The following FHL2 variants were observed in gnomAD, a reference collection of about 807,000 sequenced individuals.
FHL2 encodes four and a half LIM domains protein 2.
Under a neutral mutation model 32.7 loss-of-function variants are expected in FHL2, and 20 were observed. The ratio of observed to expected loss-of-function variants is 0.61; its 90% CI spans 0.43 to 0.89. The LOEUF (loss-of-function observed/expected upper bound fraction) is 0.89. Ranked by LOEUF, FHL2 falls within the 40% of genes least tolerant of loss-of-function variation. The probability of loss-of-function intolerance (pLI) is 0.00; values close to 1 mark genes in which losing one functional copy is unlikely to be tolerated. For synonymous variants in FHL2, 123 were observed against 128.1 expected (o/e 0.96, Z 0.27); for missense variants, 311 against 358.6 (o/e 0.87, Z 1.07).
intron 1 of FHL2, among the ~76,000 whole-genome samples, chr2:105,425,396 A>AAGACTATCAC (rs1400542120): frequency 6.6e-6 from 1 of 152,194 alleles, no homozygotes; most frequent in Non-Finnish European, 1.5e-5. Flanking sequence ...GGTATTGTCC[A>AAGACTATCAC]AGGTTTCTCC....
chr2:105,388,652 G>C (rs554897613), intron 2 of FHL2, among the ~76,000 whole-genome samples: 1 of 145,812 alleles, frequency 6.9e-6, no homozygotes, highest in South Asian at 2.3e-4. Context: ...GTGAAACCCT[G>C]TCTCTACTAA....
intron 1 of FHL2, among the ~76,000 whole-genome samples, chr2:105,413,843 G>T (rs995191668): frequency 2.6e-5 from 4 of 152,248 alleles, no homozygotes; most frequent in South Asian, 2.1e-4. Flanking sequence ...CCAGATGGGG[G>T]TAATTTTCCC....
At chr2:105,375,517 A>T (rs375482144) in intron 3 of FHL2, 4 of 152,362 alleles carry the variant, frequency 2.6e-5, no homozygotes, top group East Asian at 3.8e-4. Context: ...GCATGCCTTT[A>T]GTCCCAGCTA....
At chr2:105,407,197 C>T (rs746215790) in intron 1 of FHL2, among the ~76,000 whole-genome samples, 1 of 152,066 alleles carries the variant, frequency 6.6e-6, no homozygotes, top group Non-Finnish European at 1.5e-5. Context: ...TAGAGACCAT[C>T]CTGGCTAACA....
At chr2:105,359,657 T>C (rs1680141475), downstream of FHL2, 1 of 152,244 alleles carries the variant, frequency 6.6e-6, no homozygotes, top group Non-Finnish European at 1.5e-5. Flanking sequence ...TCTGAGATTA[T>C]TCCACAGACT....
chr2:105,399,085 C>T, upstream of FHL2: 3 of 1,487,214 alleles, frequency 2.0e-6, no homozygotes, highest in South Asian at 3.9e-5. Context: ...TCGAGAAACC[C>T]CGCCGTGTCA....
chr2:105,366,106 G>A (rs186265093), intron 5 of FHL2, among the ~76,000 whole-genome samples: 16 of 152,198 alleles, frequency 1.1e-4, no homozygotes, highest in African/African-American at 3.9e-4. Context: ...CTACTTGGGA[G>A]GCTGAGGCAG....
intron 4 of FHL2, among the ~76,000 whole-genome samples, chr2:105,373,207 C>T (rs1474795954): frequency 2.0e-5 from 3 of 152,198 alleles, no homozygotes; most frequent in African/African-American, 7.2e-5. Flanking sequence ...TGAATGAGTA[C>T]AAATTCAGCA....
At chr2:105,366,228 A>AAT (rs1470133604) in intron 5 of FHL2, among the ~76,000 whole-genome samples, 1 of 151,968 alleles carries the variant, frequency 6.6e-6, no homozygotes. Flanking sequence ...AAAAAAAAAA[A>AAT]GGAAATGAGA....
At chr2:105,396,918 C>G (rs912998105) in intron 1 of FHL2, 4 of 507,798 alleles carry the variant, frequency 7.9e-6, no homozygotes, top group African/African-American at 3.9e-5. Context: ...GACTCAGGCC[C>G]GGTGCTGACA....
At position 105,385,224 on chromosome 2, in the gene FHL2, G is replaced by A. The variant is rs114375803; in HGVS notation, c.156+1137C>T. On this transcript the variant is annotated intron_variant, in intron 3 of 6. Transcript: ENST00000530340. ...TCTGCTCAAGGCAGAGGTCTCTTTC[G>A]CTACAAGATGGAAACCATCCCTCAA... Among the ~76,000 whole-genome samples the A allele has an allele frequency of 6.1e-3, 925 of 152,236 alleles. 9 individuals carry two copies. The highest frequency in any genetic ancestry group is 0.02 in the African/African-American group (849 of 41,520).
At chr2:105,386,674 C>T (rs144432969) in intron 2 of FHL2, 134 bp from the exon 3 acceptor site, 45 of 698,354 alleles carry the variant, frequency 6.4e-5, no homozygotes, top group African/African-American at 6.3e-4. Context: ...ATAATTAAAA[C>T]TCACCCTTTA....
exon 1 of FHL2, chr2:105,438,419 C>T (rs950829826): frequency 3.0e-6 from 3 of 985,460 alleles, no homozygotes; most frequent in Admixed American, 6.1e-5. Context: ...AGGGTTCTGT[C>T]TTCTGTCCTC....
In FHL2 at chr2:105,414,629, T is replaced by C. The variant is rs184210489; in HGVS notation, c.-25+23770A>G. Among the ~76,000 whole-genome samples the C allele has an allele frequency of 3.3e-3, 502 of 152,348 alleles. 2 individuals carry two copies. The highest frequency in any genetic ancestry group is 0.012 in the African/African-American group (486 of 41,586). On this transcript the variant is annotated intron_variant, in intron 1 of 5. Transcript: ENST00000393352. ...GTGCAGTAGCAGGATCTCAGCTCAC[T>C]GCAACCTCTGTCTCCTGAGTTCAAG...
In FHL2 at chr2:105,361,087, G is replaced by A. The variant is rs983479116; in HGVS notation, c.*196C>T. 2 of 477,552 alleles carry A rather than the reference G, an allele frequency of 4.2e-6. No homozygotes were observed. Among genetic ancestry groups the A allele is most frequent in the Admixed American group, 3.9e-5 (1 of 25,464 alleles). 29.6% of individuals were successfully genotyped at this position (477,552 alleles called of 1,614,324 possible). A position where few individuals can be genotyped will look rare whatever the true frequency, so the allele number is the denominator to read the frequency against. Reference sequence around the variant, plus strand: ...ACCATCTTCCCACCTAGGGCCTAGGGCGAGTTTTCTCTTTCCCTGGGACTG... The same window carrying A: ...ACCATCTTCCCACCTAGGGCCTAGGACGAGTTTTCTCTTTCCCTGGGACTG... On this transcript the variant is annotated 3_prime_UTR_variant, in exon 7 of 7. Transcript: ENST00000530340.
At chr2:105,413,090 G>C (rs1365714179) in intron 1 of FHL2, among the ~76,000 whole-genome samples, 2 of 152,182 alleles carry the variant, frequency 1.3e-5, no homozygotes, top group African/African-American at 4.8e-5. Flanking sequence ...TGGTGTGACT[G>C]CTCACGTTTC....
chr2:105,372,460 C>T (rs190735455), intron 4 of FHL2, among the ~76,000 whole-genome samples: 67 of 152,256 alleles, frequency 4.4e-4, no homozygotes, highest in Admixed American at 1.4e-3. Context: ...CTCCTGACCT[C>T]GTGATCCGCC....
chr2:105,392,514 G>C (rs954453296), intron 2 of FHL2, among the ~76,000 whole-genome samples: 1 of 152,072 alleles, frequency 6.6e-6, no homozygotes, highest in African/African-American at 2.4e-5. Context: ...AAATAAAAAG[G>C]ATGTAAGAAT....
intron 5 of FHL2, among the ~76,000 whole-genome samples, chr2:105,366,225 AAAAGG>A (rs1410275376): frequency 6.6e-6 from 1 of 152,082 alleles, no homozygotes; most frequent in Non-Finnish European, 1.5e-5. Context: ...AAGAAAAAAA[AAAAGG>A]AAATGAGAGA....
Sources: allele counts gnomAD v4.1 joint callset (sites outside exome capture counted in the v4.1 genomes callset), GRCh38; gene constraint gnomAD v4.1.1; transcripts MANE v1.5; gene names NCBI Gene and HGNC (gene_info 2026-07-23, HGNC 2026-07-21).